SOBP: variants seen among roughly 807,000 people sequenced by gnomAD.
The protein encoded by SOBP is sine oculis binding protein homolog.
In SOBP, 4 loss-of-function variants were observed where a neutral mutation model predicts 53.6. The ratio of observed to expected loss-of-function variants is 0.07; its 90% CI spans 0.04 to 0.17. The LOEUF (loss-of-function observed/expected upper bound fraction) is 0.17, where lower values mean the gene tolerates loss of function less well. Ranked by LOEUF, SOBP falls within the 10% of genes least tolerant of loss-of-function variation. The pLI is 1.00. For synonymous variants in SOBP, 584 were observed against 522.6 expected (o/e 1.12, Z -1.60); for missense variants, 1,088 against 1,204.7 (o/e 0.90, Z 1.43).
intron 4 of SOBP, among the ~76,000 whole-genome samples, chr6:107,580,191 A>G (rs1197266325): frequency 6.6e-6 from 1 of 152,226 alleles, no homozygotes; most frequent in Non-Finnish European, 1.5e-5. Flanking sequence ...GCATATCTCC[A>G]GAGCAGAGAA....
At chr6:107,593,481 CTG>C (rs1261116364) in intron 5 of SOBP, among the ~76,000 whole-genome samples, 1 of 152,182 alleles carries the variant, frequency 6.6e-6, no homozygotes, top group African/African-American at 2.4e-5. Flanking sequence ...GTATGGAAGA[CTG>C]TGTGTTCTCC....
In SOBP at chr6:107,635,067, T is replaced by C. The variant is rs551165017; in HGVS notation, c.2223T>C (p.Pro741=). 284 of 1,550,346 alleles carry C rather than the reference T, an allele frequency of 1.8e-4. No homozygotes were observed. Among genetic ancestry groups the C allele is most frequent in the Non-Finnish European group, 2.4e-4 (278 of 1,148,992 alleles). Residue 741 remains proline, a synonymous_variant, in exon 6 of 7, where the codon CCT becomes CCC. Coordinates refer to ENST00000317357, the MANE Select transcript of SOBP (RefSeq NM_018013.4). This position sits in a 1 kb window ranked among gnomAD's most constrained non-coding sequence, Gnocchi z 4.5. ...AGGGCGCTAAGAGCGCGGAGCCGCC[T>C]CCCGAGCAGCCGCCGCCGCCGCCGC... ...AAEGAKSAEP[P]PEQPPPPPPP...
intron 4 of SOBP, 135 bp downstream of exon 4, chr6:107,533,745 C>G: frequency 8.8e-7 from 1 of 1,133,056 alleles, no homozygotes. Flanking sequence ...TTGTTGATTC[C>G]CCTTTTGTGT....
At chr6:107,560,794 G>C (rs1417215717) in intron 4 of SOBP, among the ~76,000 whole-genome samples, 1 of 152,074 alleles carries the variant, frequency 6.6e-6, no homozygotes, top group Non-Finnish European at 1.5e-5. Flanking sequence ...GTGGAGGTGG[G>C]TATACATGGC....
chr6:107,623,521 G>GGA (rs893235919), intron 5 of SOBP, among the ~76,000 whole-genome samples: 6 of 151,766 alleles, frequency 4.0e-5, no homozygotes, highest in African/African-American at 1.2e-4. Context: ...CAAGTCAGGG[G>GGA]GAGAGAGAGA....
In SOBP at chr6:107,533,541, T is replaced by C. The variant is rs1331613967; in HGVS notation, c.504T>C (p.Ser168=). 6.2e-7 allele frequency: 1 copy of C among 1,613,980 alleles called. No individual in the cohort carries two copies. Among genetic ancestry groups the C allele is most frequent in the East Asian group, 2.2e-5 (1 of 44,894 alleles). The stretch of plus-strand genomic sequence containing the variant: ...AGCGCTATTCCCTGAGTATGGGAAG[T>C]GAGGTGAAAAGCTTCTGCAGCGAGA... ...GIKRYSLSMG[S]EVKSFCSEKC... Residue 168 remains serine, a synonymous_variant, in exon 4 of 7, where the codon AGT becomes AGC. Transcript: ENST00000317357.
chr6:107,514,140 A>G (rs1411907133), intron 3 of SOBP: 1 of 152,442 alleles, frequency 6.6e-6, no homozygotes. Context: ...TGTTCCTTAC[A>G]TTGTGCTAGA....
intron 4 of SOBP, among the ~76,000 whole-genome samples, chr6:107,538,102 C>T (rs754022427): frequency 4.6e-5 from 7 of 151,064 alleles, no homozygotes; most frequent in Non-Finnish European, 7.4e-5. Flanking sequence ...GCGATCTCTT[C>T]TTAGAAGACA....
At chr6:107,613,952 G>C (rs1786690281) in intron 5 of SOBP, among the ~76,000 whole-genome samples, 1 of 152,228 alleles carries the variant, frequency 6.6e-6, no homozygotes, top group Non-Finnish European at 1.5e-5. Context: ...ATCACAAAAT[G>C]ATCCATGTAA....
chr6:107,563,205 C>T (rs1438272287), intron 4 of SOBP, among the ~76,000 whole-genome samples: 1 of 151,976 alleles, frequency 6.6e-6, no homozygotes, highest in African/African-American at 2.4e-5. Flanking sequence ...TGTGGTGTGC[C>T]ATTATTACAC....
intron 4 of SOBP, among the ~76,000 whole-genome samples, chr6:107,562,480 T>C (rs1187624652): frequency 6.6e-6 from 1 of 152,250 alleles, no homozygotes; most frequent in African/African-American, 2.4e-5. Flanking sequence ...TCATGTTATG[T>C]TGACCAAGTA....
chr6:107,573,303 CT>C (rs1397583556), intron 4 of SOBP, among the ~76,000 whole-genome samples: 1 of 151,702 alleles, frequency 6.6e-6, no homozygotes, highest in African/African-American at 2.4e-5. Context: ...TTAATCAAGA[CT>C]TTAATGATAA....
chr6:107,647,811 G>T (rs527337245), intron 6 of SOBP, among the ~76,000 whole-genome samples: 1 of 152,058 alleles, frequency 6.6e-6, no homozygotes, highest in South Asian at 2.1e-4. Context: ...TCATATTTTT[G>T]CCACCCACGG....
chr6:107,591,974 T>TTG (rs1785769318), intron 5 of SOBP, among the ~76,000 whole-genome samples: 1 of 89,166 alleles, frequency 1.1e-5, no homozygotes. Flanking sequence ...TGGTGTTTTT[T>TTG]TTTTTTTTTT....
chr6:107,659,202 A>T lies in SOBP; in HGVS notation c.*999A>T, dbSNP rs10554. 100,939 of 152,510 alleles carry T rather than the reference A, an allele frequency of 0.66. 36,592 individuals are homozygous for T. The highest frequency in any genetic ancestry group is 0.83 in the Non-Finnish European group (56,664 of 68,000). 9.4% of individuals were successfully genotyped at this position (152,510 alleles called of 1,614,324 possible). A position where few individuals can be genotyped will look rare whatever the true frequency, so the allele number is the denominator to read the frequency against. ...TCTCTATATGCAGAGCCCTTTCATG[A>T]TAATTAGAATGGTATGGACAAACCA... is the stretch of plus-strand genomic sequence containing the variant. On this transcript the variant is annotated 3_prime_UTR_variant, in exon 7 of 7. Coordinates refer to ENST00000317357, the MANE Select transcript of SOBP (RefSeq NM_018013.4).
At chr6:107,527,013 G>T (rs974933106) in intron 3 of SOBP, among the ~76,000 whole-genome samples, 1 of 152,114 alleles carries the variant, frequency 6.6e-6, no homozygotes, top group East Asian at 1.9e-4. Context: ...ATGGACCTTT[G>T]TCATTTAATT....
At chr6:107,520,504 T>C (rs1318446586) in intron 3 of SOBP, among the ~76,000 whole-genome samples, 1 of 152,230 alleles carries the variant, frequency 6.6e-6, no homozygotes, top group Non-Finnish European at 1.5e-5. Flanking sequence ...CACATACTTC[T>C]GTGATTCCGG....
At chr6:107,602,045 C>T (rs947232001) in intron 5 of SOBP, among the ~76,000 whole-genome samples, 3 of 152,196 alleles carry the variant, frequency 2.0e-5, no homozygotes, top group Admixed American at 6.5e-5. Context: ...TATAACACAC[C>T]TGTAATGACC....
intron 3 of SOBP, 148 bp from the exon 4 acceptor site, chr6:107,533,307 AAGAG>A (rs1173985012): frequency 6.7e-4 from 296 of 442,194 alleles, no homozygotes; most frequent in African/African-American, 2.1e-3. Context: ...GAGAGAGAGA[AAGAG>A]AGAGAGAGAG....
Sources: allele counts gnomAD v4.1 joint callset (sites outside exome capture counted in the v4.1 genomes callset), GRCh38; gene constraint gnomAD v4.1.1; non-coding constraint Gnocchi (gnomAD v3.1); transcripts MANE v1.5; gene names NCBI Gene and HGNC (gene_info 2026-07-23, HGNC 2026-07-21).